The following OPHN1 variants were observed in gnomAD, a reference collection of about 807,000 sequenced individuals.
OPHN1 encodes the protein oligophrenin 1, also known as oligophrenin-1.
Under a neutral mutation model 60.7 loss-of-function variants are expected in OPHN1, and 11 were observed. That is an observed-to-expected ratio of 0.18 (90% CI 0.11 to 0.30). The LOEUF (loss-of-function observed/expected upper bound fraction) is 0.30, where lower values mean the gene tolerates loss of function less well. Among genes scored for constraint, OPHN1 ranks in the 10% least tolerant of loss-of-function variants. The pLI is 1.00. For missense variants in OPHN1, 449 were observed against 611.0 expected (o/e 0.73, Z 2.80); for synonymous variants, 226 against 222.6 (o/e 1.02, Z -0.14).
chrX:68,196,340 G>A (rs1292153857), intron 12 of OPHN1, among the ~76,000 whole-genome samples: 3 of 112,046 alleles, frequency 2.7e-5, no homozygotes, highest in Non-Finnish European at 3.8e-5. Flanking sequence ...TTTACAAGAT[G>A]ACTTCCATCT....
In OPHN1 at chrX:68,302,992, G is replaced by A. The variant is rs914845162; in HGVS notation, c.155-3896C>T. On this transcript the variant is annotated intron_variant, in intron 2 of 24. Transcript: ENST00000355520. The stretch of plus-strand genomic sequence containing the variant: ...TAGCTACAAAAAAATAAAATACCTA[G>A]GAATAAATTTGACCAAGGAAGTAAA... 7.4e-5 allele frequency among the ~76,000 whole-genome samples: 8 copies of A among 107,398 alleles called. No individual in the cohort carries two copies. The East Asian group carries it at 1.2e-3, about 16-fold the overall frequency. The allele number at this position is 107,398 out of a possible 115,157, so 93.3% of individuals were successfully genotyped here.
chrX:68,165,740 T>A (rs957396834), intron 15 of OPHN1, among the ~76,000 whole-genome samples: 1 of 112,320 alleles, frequency 8.9e-6, no homozygotes, highest in Non-Finnish European at 1.9e-5. Flanking sequence ...AAATAATTGT[T>A]TAAAAACACA....
At chrX:68,284,059 ATGTTTAT>A (rs2078030156) in intron 3 of OPHN1, among the ~76,000 whole-genome samples, 1 of 111,894 alleles carries the variant, frequency 8.9e-6, no homozygotes, top group Non-Finnish European at 1.9e-5. Flanking sequence ...AAAAATGGAA[ATGTTTAT>A]TGACCTTCTG....
Position 68,399,551 on chromosome X carries a change from G to A in OPHN1, c.154+33316C>T, listed in dbSNP as rs530802584. ...GGCGTGGTGGCACATGCCTGTAATC[G>A]CAGCTACTCAGGAGGCTGAGACAGG... On this transcript the variant is annotated intron_variant, in intron 2 of 24. Transcript: ENST00000355520. Among the ~76,000 whole-genome samples the A allele has an allele frequency of 3.2e-4, 35 of 111,027 alleles. No homozygotes were observed. The South Asian group carries it at 0.013, about 41-fold the overall frequency.
rs922900501 is a variant in OPHN1 at position 68,176,349 on chromosome X, C to A, written c.1276+16570G>T. 8.1e-5 allele frequency among the ~76,000 whole-genome samples: 9 copies of A among 111,281 alleles called. No individual in the cohort carries two copies. In the East Asian group the frequency reaches 2.5e-3, roughly 31 times the overall value. Reference sequence around the variant, plus strand: ...CTCCTAAATCTCAACAAAAAATAAACAAACTGATTCTAAAATGAGCAAAGA... The same window carrying A: ...CTCCTAAATCTCAACAAAAAATAAAAAAACTGATTCTAAAATGAGCAAAGA... On this transcript the variant is annotated intron_variant, in intron 15 of 24. Coordinates refer to ENST00000355520, the MANE Select transcript of OPHN1 (RefSeq NM_002547.3).
At chrX:68,418,229 G>C (rs1349680812) in intron 2 of OPHN1, among the ~76,000 whole-genome samples, 2 of 111,767 alleles carry the variant, frequency 1.8e-5, no homozygotes, top group Non-Finnish European at 3.8e-5. Flanking sequence ...GTTTGAAGGT[G>C]AATCATTAGA....
chrX:68,341,929 CTTTA>C (rs1403427972), intron 2 of OPHN1, among the ~76,000 whole-genome samples: 2 of 100,543 alleles, frequency 2.0e-5, no homozygotes, highest in African/African-American at 7.2e-5. Flanking sequence ...CATATTTATT[CTTTA>C]TTTGATTATT....
intron 21 of OPHN1, among the ~76,000 whole-genome samples, chrX:68,058,874 A>C (rs1602128218): frequency 8.9e-6 from 1 of 112,281 alleles, no homozygotes; most frequent in East Asian, 2.8e-4. Flanking sequence ...ATGAAAGCAA[A>C]ACAACTGCTA....
At chrX:68,243,036 T>G (rs1471352965) in intron 5 of OPHN1, among the ~76,000 whole-genome samples, 1 of 110,744 alleles carries the variant, frequency 9.0e-6, no homozygotes, top group East Asian at 2.9e-4. Flanking sequence ...CCTGGCTAAT[T>G]TTTGTATTTT....
intron 18 of OPHN1, among the ~76,000 whole-genome samples, chrX:68,100,508 G>C (rs1213203340): frequency 9.0e-6 from 1 of 111,092 alleles, no homozygotes; most frequent in Non-Finnish European, 1.9e-5. Flanking sequence ...GGGGAAATGG[G>C]TGGGGAAATA....
In OPHN1 at chrX:68,119,174, C is replaced by G. The variant is rs1341184564; in HGVS notation, c.1361+74G>C. ...ATCCAAACTCCTGGAACTGAGACCA[C>G]GTTAACTCCGCTCAACACCCAGAGA... On this transcript the variant is annotated intron_variant, in intron 16 of 24. Coordinates refer to ENST00000355520, the MANE Select transcript of OPHN1 (RefSeq NM_002547.3). The G allele has an allele frequency of 4.0e-6, 3 of 756,557 alleles. No individual in the cohort carries two copies. In the Admixed American group the frequency reaches 6.8e-5, roughly 17 times the overall value. 62.3% of individuals were successfully genotyped at this position (756,557 alleles called of 1,213,427 possible).
intron 15 of OPHN1, among the ~76,000 whole-genome samples, chrX:68,168,754 T>C (rs1200547523): frequency 9.0e-6 from 1 of 111,129 alleles, no homozygotes; most frequent in African/African-American, 3.3e-5. Context: ...GATAGACCAC[T>C]AGCAAGACTA....
At chrX:68,402,874 C>T (rs759633929) in intron 2 of OPHN1, among the ~76,000 whole-genome samples, 6 of 111,331 alleles carry the variant, frequency 5.4e-5, no homozygotes, top group Non-Finnish European at 9.4e-5. Flanking sequence ...TCTTTCTCTC[C>T]GAGAAAAACA....
rs200001381 is a variant in OPHN1, at chrX:68,417,075, A to ATATT, written c.154+15788_154+15791dup. On this transcript the variant is annotated intron_variant, in intron 2 of 24. Coordinates refer to ENST00000355520, the MANE Select transcript of OPHN1 (RefSeq NM_002547.3). ...AGAAATCGAGTTACTATTCCTTTTT[A>ATATT]TATTTATTTATTTATTTATTTATTT... Among the ~76,000 whole-genome samples the ATATT allele has an allele frequency of 6.3e-3, 642 of 101,352 alleles. 2 individuals are homozygous for ATATT. Among genetic ancestry groups the ATATT allele is most frequent in the African/African-American group, 0.018 (521 of 28,537 alleles). The allele number at this position is 101,352 out of a possible 115,157, so 88.0% of individuals were successfully genotyped here.
intron 2 of OPHN1, among the ~76,000 whole-genome samples, chrX:68,384,867 A>C (rs2147747548): frequency 9.0e-6 from 1 of 111,599 alleles, no homozygotes; most frequent in South Asian, 3.8e-4. Flanking sequence ...ACGAGGATGC[A>C]AAGGCATAAG....
At chrX:68,295,519 C>T (rs921820207) in intron 3 of OPHN1, among the ~76,000 whole-genome samples, 1 of 112,600 alleles carries the variant, frequency 8.9e-6, no homozygotes, top group Non-Finnish European at 1.9e-5. Flanking sequence ...CCATAGCTAA[C>T]ATATAAAACT....
intron 6 of OPHN1, among the ~76,000 whole-genome samples, chrX:68,227,991 G>T (rs1366646250): frequency 1.8e-5 from 2 of 110,917 alleles, no homozygotes; most frequent in Non-Finnish European, 3.8e-5. Flanking sequence ...GAAAAGATCA[G>T]CAGAATTGAT....
intron 15 of OPHN1, among the ~76,000 whole-genome samples, chrX:68,192,179 C>G (rs1265899529): frequency 9.0e-6 from 1 of 111,096 alleles, no homozygotes; most frequent in Non-Finnish European, 1.9e-5. Context: ...AAAGGTTCAG[C>G]AAGTTATTGA....
intron 19 of OPHN1, among the ~76,000 whole-genome samples, chrX:68,080,010 C>T (rs991783136): frequency 8.1e-5 from 9 of 111,788 alleles, no homozygotes; most frequent in African/African-American, 2.6e-4. Flanking sequence ...ATTGTTCCTT[C>T]TGTCTCCAGC....
Sources: gnomAD v4.1 joint callset for allele counts (sites outside exome capture counted in the v4.1 genomes callset) on GRCh38, gnomAD v4.1.1 for gene constraint, MANE v1.5 for transcripts, NCBI Gene and HGNC (gene_info 2026-07-23, HGNC 2026-07-21) for gene names.